The following PARP9 variants were observed in gnomAD, a reference collection of about 807,000 sequenced individuals.
The protein encoded by PARP9 is poly(ADP-ribose) polymerase family member 9.
Under a neutral mutation model 68.8 loss-of-function variants are expected in PARP9, and 48 were observed. The observed-to-expected ratio is 0.70, with a 90% CI of 0.55 to 0.89. The LOEUF is 0.89. Ranked by LOEUF, PARP9 falls within the 40% of genes least tolerant of loss-of-function variation. PARP9 has a pLI of 0.00. For synonymous variants in PARP9, 309 were observed against 333.8 expected (o/e 0.93, Z 0.81); for missense variants, 806 against 969.3 (o/e 0.83, Z 2.24).
Position 122,528,188 on chromosome 3 carries a change from T to C in PARP9, c.*176A>G, listed in dbSNP as rs2077068146. 8 of 754,362 alleles carry C rather than the reference T, an allele frequency of 1.1e-5. No individual in the cohort carries two copies. The Admixed American group carries it at 1.3e-4, about 12-fold the overall frequency. The allele number at this position is 754,362 out of a possible 1,614,324, so 46.7% of individuals were successfully genotyped here. ...ATCTACCTACCCCAACCCCAAGACATAAAGACAGATAAAGGCACTAAGATG... is the reference window on the plus strand; with the variant it reads ...ATCTACCTACCCCAACCCCAAGACACAAAGACAGATAAAGGCACTAAGATG... On this transcript the variant is annotated 3_prime_UTR_variant, in exon 11 of 11. Transcript: ENST00000682323.
rs1476921993 is a variant in PARP9, at chr3:122,529,532, CGAG to C, written c.2081-792_2081-790del. On this transcript the variant is annotated intron_variant, in intron 10 of 10. Transcript: ENST00000682323. ...TTGGTAGGCCGAGGCGGGCTGATCA[CGAG>C]GTCAGGAGATGGACACCATCCTGGC... 2.6e-4 allele frequency among the ~76,000 whole-genome samples: 40 copies of C among 151,728 alleles called. 1 individual carries two copies. The highest frequency in any genetic ancestry group is 2.6e-3 in the Admixed American group (40 of 15,232).
intron 6 of PARP9, among the ~76,000 whole-genome samples, chr3:122,546,530 T>C (rs370471560): frequency 3.9e-5 from 6 of 152,346 alleles, no homozygotes; most frequent in East Asian, 3.9e-4. Context: ...AATGCATTTA[T>C]CTCACTACAA....
intron 10 of PARP9, among the ~76,000 whole-genome samples, chr3:122,530,961 G>T (rs1322530533): frequency 6.6e-6 from 1 of 152,118 alleles, no homozygotes. Context: ...TACTCTAGTA[G>T]CCACATTTTA....
chr3:122,538,347 T>G (rs1283271035), intron 8 of PARP9, among the ~76,000 whole-genome samples: 1 of 152,188 alleles, frequency 6.6e-6, no homozygotes, highest in Non-Finnish European at 1.5e-5. Context: ...CCAGGAAGGA[T>G]TAAGAGTGGC....
chr3:122,551,817 G>C (rs374802322), intron 5 of PARP9, among the ~76,000 whole-genome samples: 6 of 152,328 alleles, frequency 3.9e-5, no homozygotes, highest in East Asian at 3.9e-4. Flanking sequence ...GGGTATGTTG[G>C]GGTGAACCAG....
intron 8 of PARP9, 103 bp downstream of exon 8, chr3:122,540,369 T>G (rs2078104181): frequency 7.2e-7 from 1 of 1,390,110 alleles, no homozygotes; most frequent in Non-Finnish European, 9.7e-7. Context: ...TGATCCCTCC[T>G]CTCTCCTTCT....
At chr3:122,543,394 C>T (rs1170224716) in intron 7 of PARP9, among the ~76,000 whole-genome samples, 1 of 152,098 alleles carries the variant, frequency 6.6e-6, no homozygotes, top group African/African-American at 2.4e-5. Context: ...TCTCCTGCCT[C>T]AGCCTCCCGA....
intron 7 of PARP9, 54 bp downstream of exon 7, chr3:122,545,378 G>T: frequency 6.5e-7 from 1 of 1,545,128 alleles, no homozygotes; most frequent in Non-Finnish European, 9.0e-7. Context: ...ATCAAGAATA[G>T]AATGAGCCAA....
intron 6 of PARP9, among the ~76,000 whole-genome samples, chr3:122,549,979 A>G (rs749020878): frequency 3.6e-4 from 55 of 152,196 alleles, no homozygotes; most frequent in Middle Eastern, 3.2e-3. Context: ...CTGAAACTAG[A>G]AGGTTGCTTA....
At chr3:122,534,298 T>A (rs2107563796) in intron 10 of PARP9, 1 of 979,056 alleles carries the variant, frequency 1.0e-6, no homozygotes, top group Non-Finnish European at 1.2e-6. Context: ...TTCTAGCCTG[T>A]GAGAAAATCC....
intron 10 of PARP9, chr3:122,532,387 C>T (rs2077371860): frequency 1.0e-6 from 1 of 985,116 alleles, no homozygotes; most frequent in Non-Finnish European, 1.2e-6. Flanking sequence ...GCCAGACAAC[C>T]CTCCCCACAA....
At chr3:122,534,753 G>A (rs1304335553) in intron 10 of PARP9, 4 of 270,290 alleles carry the variant, frequency 1.5e-5, no homozygotes, top group Non-Finnish European at 2.3e-5. Flanking sequence ...GCACATGCCT[G>A]TAATCCCAGC....
At chr3:122,539,868 G>C (rs1318873034) in intron 8 of PARP9, among the ~76,000 whole-genome samples, 1 of 152,098 alleles carries the variant, frequency 6.6e-6, no homozygotes, top group Non-Finnish European at 1.5e-5. Flanking sequence ...CCAGCCCCGA[G>C]ATGGCATTTC....
intron 10 of PARP9, among the ~76,000 whole-genome samples, chr3:122,529,678 C>A (rs2077168032): frequency 6.7e-6 from 1 of 149,426 alleles, no homozygotes; most frequent in South Asian, 2.1e-4. Context: ...GGCATGAACC[C>A]GGGAGGCGGA....
chr3:122,553,573 T>G (rs1009942041), intron 4 of PARP9, among the ~76,000 whole-genome samples: 1 of 152,228 alleles, frequency 6.6e-6, no homozygotes, highest in African/African-American at 2.4e-5. Flanking sequence ...CTAGGATGCT[T>G]CCATTTTAGT....
intron 10 of PARP9, chr3:122,534,510 T>C (rs751680414): frequency 6.9e-5 from 61 of 886,894 alleles, no homozygotes; most frequent in Non-Finnish European, 7.8e-5. Flanking sequence ...AGAGTTTTCA[T>C]TGCAGTTTTC....
Position 122,532,146 on chromosome 3 carries a change from A to G in PARP9, c.2081-3403T>C, listed in dbSNP as rs1057315968. ...TGGCAATGGCTGGAGAAGTCTCTGG[A>G]GCAGGTGAGGACCACTACCCAAGAC... On this transcript the variant is annotated intron_variant, in intron 10 of 10. Transcript: ENST00000682323. The G allele has an allele frequency of 1.8e-5, 18 of 985,422 alleles. No homozygotes were observed. In the African/African-American group the frequency reaches 2.8e-4, roughly 15 times the overall value. The allele number at this position is 985,422 out of a possible 1,614,324, so 61.0% of individuals were successfully genotyped here.
chr3:122,529,627 G>A (rs1351605942), intron 10 of PARP9, among the ~76,000 whole-genome samples: 1 of 151,748 alleles, frequency 6.6e-6, no homozygotes, highest in Non-Finnish European at 1.5e-5. Context: ...AGTTGGGGGC[G>A]CCTGTAGTCC....
chr3:122,545,887 A>C, intron 6 of PARP9: 1 of 174,608 alleles, frequency 5.7e-6, no homozygotes, highest in Non-Finnish European at 1.2e-5. Context: ...ATACACACCA[A>C]ACTTGGTCTG....
Sources: gnomAD v4.1 joint callset for allele counts (sites outside exome capture counted in the v4.1 genomes callset) on GRCh38, gnomAD v4.1.1 for gene constraint, MANE v1.5 for transcripts, NCBI Gene and HGNC (gene_info 2026-07-23, HGNC 2026-07-21) for gene names.